SAR1A: variants seen among roughly 807,000 people sequenced by gnomAD.
SAR1A encodes secretion associated Ras related GTPase 1A.
Under a neutral mutation model 22.6 loss-of-function variants are expected in SAR1A, and 6 were observed. The observed-to-expected ratio is 0.27, with a 90% CI of 0.15 to 0.52. The LOEUF is 0.52. SAR1A is among the 20% of genes least tolerant of loss of function. The pLI, the probability that SAR1A is intolerant of heterozygous loss-of-function variation, is 0.96. For missense variants in SAR1A, 145 were observed against 245.1 expected (o/e 0.59, Z 2.73); for synonymous variants, 70 against 82.2 (o/e 0.85, Z 0.80).
chr10:70,164,027 G>A, intron 1 of SAR1A: 2 of 844,194 alleles, frequency 2.4e-6, no homozygotes, highest in Non-Finnish European at 4.2e-6. Flanking sequence ...ACCTTGGAGT[G>A]AAGTTAACAG....
chr10:70,155,828 T>G (rs1839380970), intron 5 of SAR1A, among the ~76,000 whole-genome samples: 1 of 152,178 alleles, frequency 6.6e-6, no homozygotes, highest in South Asian at 2.1e-4. Flanking sequence ...CTAAGTTGTT[T>G]GTTTGGAATA....
intron 1 of SAR1A, among the ~76,000 whole-genome samples, chr10:70,164,756 A>G (rs1478606011): frequency 1.3e-5 from 2 of 152,208 alleles, no homozygotes; most frequent in Non-Finnish European, 2.9e-5. Flanking sequence ...AAAGAATTAT[A>G]CTAAATCTAC....
intron 5 of SAR1A, among the ~76,000 whole-genome samples, chr10:70,154,839 T>TTAAG (rs1180270181): frequency 6.6e-6 from 1 of 152,176 alleles, no homozygotes; most frequent in Non-Finnish European, 1.5e-5. Context: ...AATATTAACA[T>TTAAG]TAAGACAAGT....
rs1839264777 is a variant in SAR1A at position 70,147,334 on chromosome 10, C to T, written c.*5142G>A. On this transcript the variant is annotated 3_prime_UTR_variant, in exon 7 of 7. Transcript: ENST00000373241. ...ATACAGGCCTATATTTTACAGTGTG[C>T]ACATTTCACATAACATAACCACCAG... The T allele has an allele frequency of 6.6e-6, 1 of 152,112 alleles. No homozygotes were observed. Among genetic ancestry groups the T allele is most frequent in the Admixed American group, 6.5e-5 (1 of 15,282 alleles). The allele number at this position is 152,112 out of a possible 1,614,324, so 9.4% of individuals were successfully genotyped here.
chr10:70,156,431 G>A (rs534683382), intron 5 of SAR1A, among the ~76,000 whole-genome samples: 38 of 152,114 alleles, frequency 2.5e-4, no homozygotes, highest in South Asian at 8.3e-4. Flanking sequence ...TCATGAGGCC[G>A]AGGCAGAGGA....
At chr10:70,155,459 A>G (rs1257003676) in intron 5 of SAR1A, among the ~76,000 whole-genome samples, 1 of 152,240 alleles carries the variant, frequency 6.6e-6, no homozygotes, top group Non-Finnish European at 1.5e-5. Context: ...ATTCCAGGAA[A>G]TGTTACACAA....
At chr10:70,155,518 A>G (rs1359274512) in intron 5 of SAR1A, among the ~76,000 whole-genome samples, 1 of 152,238 alleles carries the variant, frequency 6.6e-6, no homozygotes, top group Non-Finnish European at 1.5e-5. Context: ...CAAAGTACCT[A>G]ATGTGTCTAA....
At chr10:70,160,679 T>A (rs1044089460) in intron 4 of SAR1A, among the ~76,000 whole-genome samples, 3 of 152,098 alleles carry the variant, frequency 2.0e-5, no homozygotes, top group Non-Finnish European at 4.4e-5. Context: ...TTTGTAAAAA[T>A]TTTCAGTCAA....
chr10:70,162,364 G>C (rs1480091533), intron 1 of SAR1A, among the ~76,000 whole-genome samples: 1 of 146,654 alleles, frequency 6.8e-6, no homozygotes, highest in Non-Finnish European at 1.5e-5. Flanking sequence ...CAGGAGAAAG[G>C]AAAGGGAAGG....
chr10:70,155,708 C>T (rs966484128), intron 5 of SAR1A, among the ~76,000 whole-genome samples: 4 of 152,160 alleles, frequency 2.6e-5, no homozygotes, highest in African/African-American at 9.7e-5. Context: ...CATATCTGAA[C>T]TCTGAGGTCT....
intron 1 of SAR1A, chr10:70,163,981 A>C (rs949670131): frequency 4.2e-6 from 5 of 1,199,786 alleles, no homozygotes; most frequent in Non-Finnish European, 6.2e-6. Context: ...GGCAATGGCT[A>C]TATTAGTGGT....
intron 6 of SAR1A, among the ~76,000 whole-genome samples, chr10:70,153,302 T>C (rs1341384744): frequency 1.3e-5 from 2 of 152,236 alleles, no homozygotes; most frequent in African/African-American, 4.8e-5. Context: ...AAACTATTGA[T>C]TTGGAAGACT....
At chr10:70,157,941 A>C in intron 4 of SAR1A, 74 bp from the exon 5 acceptor site, 1 of 1,004,164 alleles carries the variant, frequency 1.0e-6, no homozygotes, top group Non-Finnish European at 1.5e-6. Context: ...TGGTCTATAA[A>C]ATGGACAAAT....
chr10:70,167,655 C>T (rs959749095), intron 1 of SAR1A: 1 of 151,758 alleles, frequency 6.6e-6, no homozygotes, highest in Non-Finnish European at 1.5e-5. Flanking sequence ...TGTTTTTCAT[C>T]CAATTACTGG....
intron 4 of SAR1A, among the ~76,000 whole-genome samples, chr10:70,159,901 T>C (rs1839446066): frequency 1.3e-5 from 2 of 152,142 alleles, no homozygotes; most frequent in African/African-American, 4.8e-5. Context: ...AGACATAGCC[T>C]GAGTAGGCAA....
intron 1 of SAR1A, among the ~76,000 whole-genome samples, chr10:70,165,116 T>C (rs1839530189): frequency 6.6e-6 from 1 of 151,652 alleles, no homozygotes; most frequent in Non-Finnish European, 1.5e-5. Context: ...ATACAAAAAA[T>C]TAGCCGGGCG....
At chr10:70,153,086 C>T (rs189728142) in intron 6 of SAR1A, among the ~76,000 whole-genome samples, 15 of 152,074 alleles carry the variant, frequency 9.9e-5, no homozygotes, top group South Asian at 2.1e-4. Flanking sequence ...ATAAAGAAAC[C>T]GATAATCAAG....
chr10:70,157,523 T>C (rs1205417437), intron 5 of SAR1A, among the ~76,000 whole-genome samples: 1 of 151,740 alleles, frequency 6.6e-6, no homozygotes, highest in African/African-American at 2.4e-5. Flanking sequence ...AACTTGGCCA[T>C]ATAATCACTG....
At chr10:70,158,341 T>C (rs183355412) in intron 4 of SAR1A, among the ~76,000 whole-genome samples, 1 of 152,348 alleles carries the variant, frequency 6.6e-6, no homozygotes, top group Non-Finnish European at 1.5e-5. Flanking sequence ...GTAACTTTAG[T>C]CCCAGTTAGT....
Sources: allele counts gnomAD v4.1 joint callset (sites outside exome capture counted in the v4.1 genomes callset), GRCh38; gene constraint gnomAD v4.1.1; transcripts MANE v1.5; gene names NCBI Gene and HGNC (gene_info 2026-07-23, HGNC 2026-07-21).